ADARB2: variants seen among roughly 807,000 people sequenced by gnomAD.
ADARB2 encodes the protein adenosine deaminase RNA specific B2 (inactive).
Under a neutral mutation model 62.2 loss-of-function variants are expected in ADARB2, and 25 were observed. That is an observed-to-expected ratio of 0.40 (90% CI 0.29 to 0.56). The LOEUF (loss-of-function observed/expected upper bound fraction) is 0.56, where lower values mean the gene tolerates loss of function less well. Among genes scored for constraint, ADARB2 ranks in the 20% least tolerant of loss-of-function variants. ADARB2 has a pLI of 0.43. For synonymous variants in ADARB2, 572 were observed against 500.8 expected (o/e 1.14, Z -1.90); for missense variants, 1,071 against 1,077.4 (o/e 0.99, Z 0.08).
chr10:1,254,888 T>G (rs1831067026), intron 4 of ADARB2, among the ~76,000 whole-genome samples: 1 of 152,256 alleles, frequency 6.6e-6, no homozygotes, highest in African/African-American at 2.4e-5. Context: ...TTGCTGTACC[T>G]GAGCTTCAAA....
chr10:1,447,231 A>C (rs1830980952), intron 1 of ADARB2, among the ~76,000 whole-genome samples: 1 of 152,240 alleles, frequency 6.6e-6, no homozygotes, highest in South Asian at 2.1e-4. Context: ...AGAAGCTTGG[A>C]GAGCAGGACA....
At chr10:1,600,606 G>A (rs1833398954) in intron 1 of ADARB2, among the ~76,000 whole-genome samples, 1 of 138,226 alleles carries the variant, frequency 7.2e-6, no homozygotes, top group Non-Finnish European at 1.5e-5. Context: ...AGGCTGCAAT[G>A]AGCCGAAATT....
At chr10:1,287,223 G>A (rs1831422213) in intron 3 of ADARB2, among the ~76,000 whole-genome samples, 1 of 152,122 alleles carries the variant, frequency 6.6e-6, no homozygotes, top group Non-Finnish European at 1.5e-5. Flanking sequence ...GAATCATAAG[G>A]AAATCAAAGC....
chr10:1,483,425 G>C (rs1475770995), intron 1 of ADARB2, among the ~76,000 whole-genome samples: 1 of 152,172 alleles, frequency 6.6e-6, no homozygotes, highest in East Asian at 1.9e-4. Context: ...ACAGTTCGAT[G>C]GTAATTCCAA....
At chr10:1,327,337 T>A (rs1184751606) in intron 3 of ADARB2, among the ~76,000 whole-genome samples, 1 of 30,232 alleles carries the variant, frequency 3.3e-5, no homozygotes, top group Non-Finnish European at 6.7e-5. Flanking sequence ...CAGCGCCTCC[T>A]CACTGCACAG....
At chr10:1,457,023 G>A (rs935314335) in intron 1 of ADARB2, among the ~76,000 whole-genome samples, 5 of 141,324 alleles carry the variant, frequency 3.5e-5, no homozygotes, top group African/African-American at 1.2e-4. Flanking sequence ...GCCTCCCAAA[G>A]TGCTGGGATT....
intron 1 of ADARB2, among the ~76,000 whole-genome samples, chr10:1,490,621 A>AT: frequency 6.6e-6 from 1 of 152,058 alleles, no homozygotes; most frequent in East Asian, 1.9e-4. Context: ...TGCCCAGCTA[A>AT]TTTTTGTATT....
intron 1 of ADARB2, among the ~76,000 whole-genome samples, chr10:1,494,438 A>G (rs1831663420): frequency 6.6e-6 from 1 of 152,236 alleles, no homozygotes; most frequent in African/African-American, 2.4e-5. Context: ...TACTAAAGCC[A>G]TAATAATAAC....
chr10:1,359,284 T>C (rs1832226949), intron 3 of ADARB2, among the ~76,000 whole-genome samples: 1 of 152,186 alleles, frequency 6.6e-6, no homozygotes, highest in African/African-American at 2.4e-5. Flanking sequence ...GCAAACCCTC[T>C]GCCAGTACTG....
At position 1,199,957 on chromosome 10, in the gene ADARB2, G is replaced by A. The variant is rs867817371; in HGVS notation, c.1864+9C>T. 6.6e-7 allele frequency: 1 copy of A among 1,524,340 alleles called. No individual in the cohort carries two copies. Among genetic ancestry groups the A allele is most frequent in the Admixed American group, 1.9e-5 (1 of 53,670 alleles). The allele number at this position is 1,524,340 out of a possible 1,614,324, so 94.4% of individuals were successfully genotyped here. On this transcript the variant is annotated intron_variant, in intron 8 of 9. Coordinates refer to ENST00000381312, the MANE Select transcript of ADARB2 (RefSeq NM_018702.4). The stretch of plus-strand genomic sequence containing the variant: ...GGAGGTGGAGGGCCCCCGGGAAGGG[G>A]GTTCTTACCGCTGAGGAGAGGCCGG...
chr10:1,482,581 A>G (rs1028029690), intron 1 of ADARB2, among the ~76,000 whole-genome samples: 2 of 152,200 alleles, frequency 1.3e-5, no homozygotes, highest in South Asian at 4.1e-4. Context: ...AAATGGTTCT[A>G]TGGGTGGATG....
chr10:1,682,718 G>A (rs942525912), intron 1 of ADARB2, among the ~76,000 whole-genome samples: 1 of 152,222 alleles, frequency 6.6e-6, no homozygotes. Context: ...CCAACACCGT[G>A]GCCAGGCGTG....
intron 1 of ADARB2, among the ~76,000 whole-genome samples, chr10:1,642,262 C>G (rs1227764637): frequency 6.8e-6 from 1 of 147,588 alleles, no homozygotes; most frequent in African/African-American, 2.7e-5. Flanking sequence ...GCATTGCTTG[C>G]CACATTGTCG....
chr10:1,194,546 T>TGTCA (rs1384775807), intron 8 of ADARB2, among the ~76,000 whole-genome samples: 3 of 152,242 alleles, frequency 2.0e-5, no homozygotes, highest in Non-Finnish European at 4.4e-5. Context: ...TCTGTCTGTC[T>TGTCA]GTCAGTCTAT....
chr10:1,655,208 A>G (rs1217688120), intron 1 of ADARB2, among the ~76,000 whole-genome samples: 1 of 152,188 alleles, frequency 6.6e-6, no homozygotes, highest in East Asian at 1.9e-4. Context: ...TGCCTGTGCT[A>G]TGACAGTTCA....
At chr10:1,292,598 T>G (rs1831476816) in intron 3 of ADARB2, 1 of 152,224 alleles carries the variant, frequency 6.6e-6, no homozygotes, top group African/African-American at 2.4e-5. Flanking sequence ...CTTCAAGTTC[T>G]GTCGCCATGA....
chr10:1,490,583 T>C, intron 1 of ADARB2, among the ~76,000 whole-genome samples: 1 of 152,182 alleles, frequency 6.6e-6, no homozygotes, highest in East Asian at 1.9e-4. Context: ...GCTTCCCCAG[T>C]AGCTGGGATT....
chr10:1,656,531 G>GGAGAGA (rs35967442), intron 1 of ADARB2, among the ~76,000 whole-genome samples: 2 of 150,184 alleles, frequency 1.3e-5, no homozygotes, highest in African/African-American at 2.4e-5. Flanking sequence ...AGAGAAAAAG[G>GGAGAGA]GAGAGAGAGA....
intron 1 of ADARB2, among the ~76,000 whole-genome samples, chr10:1,559,105 C>T (rs764909796): frequency 2.6e-5 from 4 of 152,228 alleles, no homozygotes; most frequent in Non-Finnish European, 5.9e-5. Flanking sequence ...GACACTGATG[C>T]ACTTCAGCTG....
Sources: allele counts gnomAD v4.1 joint callset (sites outside exome capture counted in the v4.1 genomes callset), GRCh38; gene constraint gnomAD v4.1.1; transcripts MANE v1.5; gene names NCBI Gene and HGNC (gene_info 2026-07-23, HGNC 2026-07-21).